Variants in PRIM2 observed in about 807,000 individuals in gnomAD.
PRIM2 encodes the protein DNA primase subunit 2.
PRIM2 carries 39 observed loss-of-function variants against 67.3 expected under a neutral mutation model. The ratio of observed to expected loss-of-function variants is 0.58; its 90% CI spans 0.45 to 0.76. The LOEUF (loss-of-function observed/expected upper bound fraction) is 0.76, where lower values mean the gene tolerates loss of function less well. PRIM2 is among the 30% of genes least tolerant of loss of function. The probability of loss-of-function intolerance (pLI) is 0.00; values close to 1 mark genes in which losing one functional copy is unlikely to be tolerated. For missense variants in PRIM2, 398 were observed against 598.7 expected (o/e 0.66, Z 3.50); for synonymous variants, 143 against 198.7 (o/e 0.72, Z 2.36).
At chr6:57,464,327 G>T (rs1232256794) in intron 7 of PRIM2, among the ~76,000 whole-genome samples, 3 of 151,410 alleles carry the variant, frequency 2.0e-5, no homozygotes, top group Non-Finnish European at 2.9e-5. Context: ...ACCCAGGCTG[G>T]AGGGCAATGG....
the PRIM2 span, among the ~76,000 whole-genome samples, chr6:57,303,099 G>A: frequency 5.9e-5 from 9 of 151,992 alleles, no homozygotes; most frequent in Admixed American, 5.2e-4. Flanking sequence ...ATATGTCCAC[G>A]TAAAAGCTAA....
chr6:57,292,077 G>C, the PRIM2 span, among the ~76,000 whole-genome samples: 2 of 152,168 alleles, frequency 1.3e-5, no homozygotes, highest in South Asian at 4.1e-4. Flanking sequence ...CAGATGACAT[G>C]ATTGTATATT....
chr6:57,522,413 G>A (rs1475324317), intron 8 of PRIM2, among the ~76,000 whole-genome samples: 1 of 152,086 alleles, frequency 6.6e-6, no homozygotes, highest in Non-Finnish European at 1.5e-5. Flanking sequence ...CATAATGAGG[G>A]CAACAAATGT....
At position 57,320,565 on chromosome 6, in the gene PRIM2, G is replaced by GT; in HGVS notation, c.258+6dup. 1 of 1,574,168 alleles carries GT rather than the reference G, an allele frequency of 6.4e-7. No homozygotes were observed. Among genetic ancestry groups the GT allele is most frequent in the Non-Finnish European group, 8.6e-7 (1 of 1,163,264 alleles). On this transcript the variant is annotated splice_donor_region_variant and intron_variant, in intron 3 of 13. Coordinates refer to ENST00000615550, the MANE Select transcript of PRIM2 (RefSeq NM_000947.5). The stretch of plus-strand genomic sequence containing the variant: ...AAGCTCAAGTTTTCCTACAGAGTAA[G>GT]TAAAAAAGGAAAAAAAAGTTCCTTC...
At chr6:57,301,576 C>T in the PRIM2 span, among the ~76,000 whole-genome samples, 12 of 151,604 alleles carry the variant, frequency 7.9e-5, no homozygotes, top group Admixed American at 3.3e-4. Flanking sequence ...CCAAGGCAGG[C>T]GGATCACTTG....
chr6:57,314,360 CA>C (rs372343614), upstream of PRIM2, among the ~76,000 whole-genome samples: 16 of 151,950 alleles, frequency 1.1e-4, no homozygotes, highest in East Asian at 1.4e-3. Flanking sequence ...ACTAAAAAAG[CA>C]AAAAAATAGC....
chr6:57,436,137 C>G (rs1299854742), intron 7 of PRIM2, among the ~76,000 whole-genome samples: 1 of 152,092 alleles, frequency 6.6e-6, no homozygotes, highest in African/African-American at 2.4e-5. Context: ...TGGATTCATT[C>G]CCTCCTCTTG....
chr6:57,399,498 C>T (rs1488359564), intron 7 of PRIM2, among the ~76,000 whole-genome samples: 1 of 152,192 alleles, frequency 6.6e-6, no homozygotes, highest in Non-Finnish European at 1.5e-5. Flanking sequence ...CCGCAGTAAA[C>T]ACACGTGTGC....
chr6:57,644,676 G>A (rs1314111790), intron 13 of PRIM2, among the ~76,000 whole-genome samples: 2 of 152,148 alleles, frequency 1.3e-5, no homozygotes, highest in Non-Finnish European at 2.9e-5. Flanking sequence ...ACTTCAGTAC[G>A]AAGAGTGAGA....
the PRIM2 span, among the ~76,000 whole-genome samples, chr6:57,256,631 TACAC>T: frequency 0.33 from 45,906 of 140,708 alleles, 7,342 homozygotes; most frequent in East Asian, 0.61. Context: ...CTCTTTCTCT[TACAC>T]ACACACACAC....
chr6:57,338,566 A>T, intron 5 of PRIM2, among the ~76,000 whole-genome samples: 1 of 151,406 alleles, frequency 6.6e-6, no homozygotes. Context: ...ACGCAAATCA[A>T]TAAATGTAAT....
At chr6:57,269,536 G>A in the PRIM2 span, among the ~76,000 whole-genome samples, 3 of 151,778 alleles carry the variant, frequency 2.0e-5, no homozygotes, top group Non-Finnish European at 4.4e-5. Context: ...ATTAGCCCTT[G>A]GTCAGATGAG....
At chr6:57,463,193 A>G (rs1773064963) in intron 7 of PRIM2, among the ~76,000 whole-genome samples, 1 of 152,252 alleles carries the variant, frequency 6.6e-6, no homozygotes, top group South Asian at 2.1e-4. Flanking sequence ...GATATCCACA[A>G]CTAGAAAATG....
chr6:57,236,337 C>CATTATT, the PRIM2 span, among the ~76,000 whole-genome samples: 46 of 150,456 alleles, frequency 3.1e-4, no homozygotes, highest in African/African-American at 7.8e-4. Flanking sequence ...CTTCCCAATT[C>CATTATT]ATTATTATTA....
chr6:57,612,168 G>A (rs1242031430), intron 12 of PRIM2, among the ~76,000 whole-genome samples: 1 of 152,180 alleles, frequency 6.6e-6, no homozygotes, highest in African/African-American at 2.4e-5. Context: ...CTTTGAAAAG[G>A]AGTGTGGCAA....
chr6:57,574,558 AATTTTCTAATAATT>A (rs1177520283), intron 10 of PRIM2, among the ~76,000 whole-genome samples: 18 of 152,234 alleles, frequency 1.2e-4, no homozygotes, highest in African/African-American at 4.3e-4. Flanking sequence ...GGCTACTTTT[AATTTTCTAATAATT>A]ACCTATAGGA....
intron 12 of PRIM2, among the ~76,000 whole-genome samples, chr6:57,615,713 T>C (rs1404540264): frequency 6.6e-6 from 1 of 152,130 alleles, no homozygotes; most frequent in Admixed American, 6.6e-5. Flanking sequence ...CTGGGCAACA[T>C]AGGTAGACCC....
chr6:57,377,135 G>C (rs530954836), intron 5 of PRIM2, among the ~76,000 whole-genome samples: 1 of 150,698 alleles, frequency 6.6e-6, no homozygotes, highest in Admixed American at 6.6e-5. Flanking sequence ...TGATCCACCC[G>C]CCTCAGCCTC....
At chr6:57,571,399 C>T (rs1421499780) in intron 10 of PRIM2, among the ~76,000 whole-genome samples, 5 of 152,202 alleles carry the variant, frequency 3.3e-5, no homozygotes, top group Middle Eastern at 3.4e-3. Context: ...CTTATAATCC[C>T]AGCACTTTGG....
Sources: gnomAD v4.1 joint callset for allele counts (sites outside exome capture counted in the v4.1 genomes callset) on GRCh38, gnomAD v4.1.1 for gene constraint, MANE v1.5 for transcripts, NCBI Gene and HGNC (gene_info 2026-07-23, HGNC 2026-07-21) for gene names.